THSD7B: variants seen among roughly 807,000 people sequenced by gnomAD.
THSD7B encodes the protein thrombospondin type-1 domain-containing protein 7B.
In THSD7B, 138 loss-of-function variants were observed where a neutral mutation model predicts 213.6. The observed-to-expected ratio is 0.65, with a 90% CI of 0.56 to 0.74. THSD7B has a LOEUF of 0.74. Ranked by LOEUF, THSD7B falls within the 30% of genes least tolerant of loss-of-function variation. The pLI is 0.00. For missense variants in THSD7B, 1,931 were observed against 1,991.5 expected (o/e 0.97, Z 0.58); for synonymous variants, 742 against 687.0 (o/e 1.08, Z -1.25).
At chr2:137,019,822 A>T (rs1686410075) in intron 2 of THSD7B, among the ~76,000 whole-genome samples, 1 of 152,164 alleles carries the variant, frequency 6.6e-6, no homozygotes, top group Non-Finnish European at 1.5e-5. Flanking sequence ...CTGTGCACTC[A>T]GTTAATACTG....
chr2:136,945,655 G>A (rs899672962), intron 2 of THSD7B, among the ~76,000 whole-genome samples: 44 of 152,082 alleles, frequency 2.9e-4, no homozygotes, highest in African/African-American at 1.0e-3. Context: ...ATTTCTTGGA[G>A]GCTTTGTTCA....
chr2:137,609,533 C>G (rs565840431), intron 17 of THSD7B, among the ~76,000 whole-genome samples: 7 of 152,164 alleles, frequency 4.6e-5, no homozygotes, highest in Non-Finnish European at 1.0e-4. Flanking sequence ...AAGAACAACA[C>G]AGAGGCCAGA....
chr2:137,319,353 G>A (rs773347082), intron 12 of THSD7B, among the ~76,000 whole-genome samples: 7 of 151,246 alleles, frequency 4.6e-5, no homozygotes, highest in Non-Finnish European at 1.0e-4. Flanking sequence ...TATGTCTCCT[G>A]TGTCTTATTC....
chr2:137,648,745 ATGTGTGTGTG>A (rs138661553), intron 21 of THSD7B, among the ~76,000 whole-genome samples: 1 of 151,522 alleles, frequency 6.6e-6, no homozygotes, highest in East Asian at 1.9e-4. Flanking sequence ...GAGTATATAA[ATGTGTGTGTG>A]TGTGTATGTG....
chr2:137,612,246 A>G (rs995945019), intron 17 of THSD7B, among the ~76,000 whole-genome samples: 1 of 152,180 alleles, frequency 6.6e-6, no homozygotes, highest in Non-Finnish European at 1.5e-5. Context: ...ATTTTTGCTG[A>G]TCACCCAGAA....
chr2:136,783,329 A>G (rs941608047), intron 1 of THSD7B, among the ~76,000 whole-genome samples: 3 of 152,154 alleles, frequency 2.0e-5, no homozygotes, highest in African/African-American at 7.2e-5. Context: ...TGAATTATCT[A>G]TGTGGTTCTC....
chr2:136,773,988 TCTA>T lies in THSD7B; in HGVS notation c.-36+8305_-36+8307del, dbSNP rs752433741. 3.9e-5 allele frequency among the ~76,000 whole-genome samples: 6 copies of T among 152,076 alleles called. No individual in the cohort carries two copies. In the East Asian group the frequency reaches 1.2e-3, roughly 29 times the overall value. On this transcript the variant is annotated intron_variant, in intron 1 of 27. Transcript: ENST00000409968. ...ATTTCTCTCTATCTCATTACTCTCATCTACTAAAAACTGAATCCCACATACCTT... is the reference window on the plus strand; with the variant it reads ...ATTTCTCTCTATCTCATTACTCTCATCTAAAAACTGAATCCCACATACCTT...
chr2:136,945,193 C>A (rs867376616), intron 2 of THSD7B, among the ~76,000 whole-genome samples: 3 of 152,106 alleles, frequency 2.0e-5, no homozygotes, highest in African/African-American at 7.2e-5. Flanking sequence ...AAATGATTCT[C>A]CTGAAGAATG....
intron 1 of THSD7B, among the ~76,000 whole-genome samples, chr2:136,794,301 T>C (rs58526602): frequency 6.6e-6 from 1 of 151,818 alleles, no homozygotes; most frequent in Non-Finnish European, 1.5e-5. Flanking sequence ...GCTTAGATAA[T>C]TGATCTTTTA....
chr2:136,880,434 T>G (rs1683599498), intron 1 of THSD7B, among the ~76,000 whole-genome samples: 1 of 152,168 alleles, frequency 6.6e-6, no homozygotes, highest in Non-Finnish European at 1.5e-5. Context: ...ATAATACATA[T>G]ATTGCGGTAA....
At chr2:136,829,372 G>C (rs925657707) in intron 1 of THSD7B, among the ~76,000 whole-genome samples, 1 of 152,036 alleles carries the variant, frequency 6.6e-6, no homozygotes, top group African/African-American at 2.4e-5. Context: ...GGGGATAGAT[G>C]AGAGGTGGGA....
At chr2:137,467,908 C>T (rs748044620) in intron 15 of THSD7B, among the ~76,000 whole-genome samples, 9 of 152,176 alleles carry the variant, frequency 5.9e-5, no homozygotes, top group Non-Finnish European at 8.8e-5. Context: ...GCATACAACA[C>T]ATGTTTCTCC....
At chr2:136,837,451 A>G (rs1193626327) in intron 1 of THSD7B, among the ~76,000 whole-genome samples, 3 of 152,026 alleles carry the variant, frequency 2.0e-5, no homozygotes, top group African/African-American at 2.4e-5. Flanking sequence ...CTCATTCACA[A>G]ATCTGTGCTC....
rs984867457 is a variant in THSD7B, at chr2:136,984,273, C to T, written c.140-72147C>T. ...CTGGATGTTTGTCCTCTCCAAATCT[C>T]ATGTTGAAATGTGATTCCAAATGTT... On this transcript the variant is annotated intron_variant, in intron 2 of 27. Transcript: ENST00000409968. 1.3e-4 allele frequency among the ~76,000 whole-genome samples: 20 copies of T among 152,316 alleles called. 1 individual carries two copies. The highest frequency in any genetic ancestry group is 8.3e-4 in the South Asian group (4 of 4,824).
At chr2:136,786,898 T>C (rs1681861977) in intron 1 of THSD7B, among the ~76,000 whole-genome samples, 1 of 152,170 alleles carries the variant, frequency 6.6e-6, no homozygotes, top group African/African-American at 2.4e-5. Flanking sequence ...TTAAGTATGT[T>C]GTAGGGATGG....
intron 12 of THSD7B, among the ~76,000 whole-genome samples, chr2:137,282,320 G>A (rs1427326510): frequency 6.6e-6 from 1 of 152,170 alleles, no homozygotes; most frequent in Non-Finnish European, 1.5e-5. Context: ...TGTCAGATGA[G>A]TAGGTTGCAA....
chr2:137,265,387 A>G (rs1376959830), intron 10 of THSD7B, among the ~76,000 whole-genome samples: 2 of 152,242 alleles, frequency 1.3e-5, no homozygotes, highest in South Asian at 2.1e-4. Context: ...TAGTTCAACC[A>G]CTGTGGAAGT....
intron 2 of THSD7B, among the ~76,000 whole-genome samples, chr2:136,978,361 G>A (rs10185054): frequency 0.074 from 11,267 of 152,096 alleles, 649 homozygotes; most frequent in African/African-American, 0.15. Flanking sequence ...TTTCTGTGTC[G>A]ATGATCTGTC....
intron 15 of THSD7B, among the ~76,000 whole-genome samples, chr2:137,527,135 CA>C (rs1680295315): frequency 6.6e-6 from 1 of 152,014 alleles, no homozygotes; most frequent in Admixed American, 6.6e-5. Flanking sequence ...TATGTGCACA[CA>C]AATTAAAGTT....
Sources: allele counts gnomAD v4.1 joint callset (sites outside exome capture counted in the v4.1 genomes callset), GRCh38; gene constraint gnomAD v4.1.1; transcripts MANE v1.5; gene names NCBI Gene and HGNC (gene_info 2026-07-23, HGNC 2026-07-21).